Variants in LASP1 observed in about 807,000 individuals in gnomAD.
LASP1 encodes the protein LIM and SH3 protein 1, also known as LIM and SH3 domain protein 1.
Under a neutral mutation model 38.6 loss-of-function variants are expected in LASP1, and 10 were observed. The observed-to-expected ratio is 0.26, with a 90% confidence interval of 0.16 to 0.44. LASP1 has a LOEUF of 0.44. Ranked by LOEUF, LASP1 falls within the 20% of genes least tolerant of loss-of-function variation. The pLI is 1.00. For missense variants in LASP1, 243 were observed against 375.7 expected (o/e 0.65, Z 2.92); for synonymous variants, 132 against 140.8 (o/e 0.94, Z 0.44).
chr17:38,890,855 C>A (rs1411317513), intron 3 of LASP1, among the ~76,000 whole-genome samples: 105 of 152,194 alleles, frequency 6.9e-4, no homozygotes, highest in Non-Finnish European at 1.6e-4. Context: ...GGAATTTGCC[C>A]CTCCAGGTCA....
At chr17:38,886,856 G>A (rs1914155680) in intron 2 of LASP1, among the ~76,000 whole-genome samples, 1 of 152,154 alleles carries the variant, frequency 6.6e-6, no homozygotes, top group Non-Finnish European at 1.5e-5. Context: ...GGCACGTCAG[G>A]TGCACCTGTC....
rs1458277189 is a variant in LASP1, at chr17:38,870,269, G to A, written c.69+11G>A. On this transcript the variant is annotated intron_variant, in intron 1 of 6. Coordinates refer to ENST00000318008, the MANE Select transcript of LASP1 (RefSeq NM_006148.4). ...AACTGTCTGGATAAGGTGAGCCCGG[G>A]ACCGGGAGACGCGTCTTTGCAATCC... 2 of 1,613,384 alleles carry A rather than the reference G, an allele frequency of 1.2e-6. No individual in the cohort carries two copies. The highest frequency in any genetic ancestry group is 1.7e-6 in the Non-Finnish European group (2 of 1,179,586).
chr17:38,891,416 C>T (rs1160140738), intron 3 of LASP1, among the ~76,000 whole-genome samples: 1 of 152,084 alleles, frequency 6.6e-6, no homozygotes, highest in South Asian at 2.1e-4. Context: ...TCAGGGAGAA[C>T]CGACCCTGCC....
chr17:38,887,399 A>G (rs913883916), intron 2 of LASP1, among the ~76,000 whole-genome samples: 2 of 152,164 alleles, frequency 1.3e-5, no homozygotes, highest in Non-Finnish European at 1.5e-5. Flanking sequence ...GGTCTCTAGG[A>G]ACAGACTCGT....
At chr17:38,874,154 C>T (rs34720741) in intron 1 of LASP1, 5,352 of 152,808 alleles carry the variant, frequency 0.035, 120 homozygotes, top group Non-Finnish European at 0.055. Flanking sequence ...AAGCCATGGA[C>T]TTTGCAGGCA....
At position 38,914,947 on chromosome 17, in the gene LASP1, C is replaced by T. The variant is rs748155433; in HGVS notation, c.509-96C>T. 36 of 1,085,904 alleles carry T rather than the reference C, an allele frequency of 3.3e-5. No individual in the cohort carries two copies. In the East Asian group the frequency reaches 5.7e-4, roughly 17 times the overall value. The allele number at this position is 1,085,904 out of a possible 1,614,324, so 67.3% of individuals were successfully genotyped here. On this transcript the variant is annotated intron_variant, in intron 5 of 6. Coordinates refer to ENST00000318008, the MANE Select transcript of LASP1 (RefSeq NM_006148.4). ...TGTGGGGCTTGAGCCAGGTTGGGGG[C>T]GGGGTGGAAGTGCATGGTATGGACT...
intron 4 of LASP1, among the ~76,000 whole-genome samples, chr17:38,907,607 T>G (rs1221810878): frequency 6.6e-6 from 1 of 152,148 alleles, no homozygotes; most frequent in Non-Finnish European, 1.5e-5. Flanking sequence ...TGTCAGGGTA[T>G]GAAGAGCTTG....
chr17:38,871,525 AAG>A (rs1411822598), intron 1 of LASP1, among the ~76,000 whole-genome samples: 1 of 151,940 alleles, frequency 6.6e-6, no homozygotes, highest in East Asian at 1.9e-4. Context: ...CACTAGATGA[AAG>A]AGGGGTATAG....
intron 2 of LASP1, among the ~76,000 whole-genome samples, chr17:38,889,463 C>T (rs1359649485): frequency 6.6e-6 from 1 of 152,118 alleles, no homozygotes; most frequent in Non-Finnish European, 1.5e-5. Flanking sequence ...TTGAGCAGCC[C>T]TAATCCAAAA....
chr17:38,914,227 C>T (rs2143826452), intron 4 of LASP1, 98 bp from the exon 5 acceptor site: 2 of 1,413,980 alleles, frequency 1.4e-6, no homozygotes, highest in Non-Finnish European at 1.9e-6. Flanking sequence ...ACCCAAAGCT[C>T]TTGGGTAGTC....
At chr17:38,909,728 C>CTCATTCATTCATTCAT (rs111395734) in intron 4 of LASP1, among the ~76,000 whole-genome samples, 5 of 149,896 alleles carry the variant, frequency 3.3e-5, no homozygotes, top group East Asian at 2.0e-4. Flanking sequence ...TCTTTTTCAT[C>CTCATTCATTCATTCAT]TCATTCATTC....
Position 38,914,455 on chromosome 17 carries a change from A to C in LASP1, c.488A>C (p.His163Pro), listed in dbSNP as rs774280750. 11 of 1,608,570 alleles carry C rather than the reference A, an allele frequency of 6.8e-6. No homozygotes were observed. The highest frequency in any genetic ancestry group is 9.3e-6 in the Non-Finnish European group (11 of 1,178,370). Residue 163 changes from histidine (H) to proline (P), a missense_variant, in exon 5 of 7, where the codon CAC (histidine) becomes CCC (proline). His to Pro is a moderately conservative substitution (Grantham distance 77). Around this residue, in one of 4 missense-constraint regions of LASP1, gnomAD observed 165 missense variants for 210.3 expected, o/e 0.78. Coordinates refer to ENST00000318008, the MANE Select transcript of LASP1 (RefSeq NM_006148.4). ...CCCCTGGAGCAGCAGCAGCCTCACCACATCCCGACCAGTGCCCCGGGTGAG... is the reference window on the plus strand; with the variant it reads ...CCCCTGGAGCAGCAGCAGCCTCACCCCATCCCGACCAGTGCCCCGGGTGAG... ...RRPLEQQQPH[H>P]IPTSAPVYQQ...
intron 4 of LASP1, among the ~76,000 whole-genome samples, chr17:38,909,484 A>T (rs226224): frequency 6.6e-6 from 1 of 151,798 alleles, no homozygotes; most frequent in East Asian, 1.9e-4. Context: ...GCAGTTGCCT[A>T]TAATCCCAGC....
intron 4 of LASP1, among the ~76,000 whole-genome samples, chr17:38,906,221 C>G (rs991287697): frequency 6.6e-6 from 1 of 152,066 alleles, no homozygotes; most frequent in Non-Finnish European, 1.5e-5. Context: ...GCAGTATTCT[C>G]GGGCTGGCTG....
At chr17:38,885,639 G>T (rs999338647) in intron 2 of LASP1, among the ~76,000 whole-genome samples, 6 of 73,756 alleles carry the variant, frequency 8.1e-5, no homozygotes, top group African/African-American at 6.3e-4. Context: ...GCACCCAGCT[G>T]ATCACCTGTC....
At chr17:38,871,782 G>C (rs1458771044) in intron 1 of LASP1, among the ~76,000 whole-genome samples, 1 of 152,072 alleles carries the variant, frequency 6.6e-6, no homozygotes, top group African/African-American at 2.4e-5. Context: ...GGCTTGACTG[G>C]GCAGGAGGAG....
Position 38,918,502 on chromosome 17 carries a change from C to A in LASP1, c.613-103C>A. The A allele has an allele frequency of 8.7e-7, 1 of 1,150,494 alleles. No homozygotes were observed. Among genetic ancestry groups the A allele is most frequent in the Non-Finnish European group, 1.2e-6 (1 of 811,938 alleles). The allele number at this position is 1,150,494 out of a possible 1,614,324, so 71.3% of individuals were successfully genotyped here. ...TGGTGCTCCATTTCTGAGTTCACTGCTCCCCCAGGCTCTGCTCCAGGGTCG... is the reference window on the plus strand; with the variant it reads ...TGGTGCTCCATTTCTGAGTTCACTGATCCCCCAGGCTCTGCTCCAGGGTCG... On this transcript the variant is annotated intron_variant, in intron 6 of 6. Transcript: ENST00000318008. The surrounding 1 kb of genome is among the most constrained non-coding windows in gnomAD (Gnocchi z 4.4).
chr17:38,900,981 A>AGGGGG (rs1914626174), intron 4 of LASP1, among the ~76,000 whole-genome samples: 1 of 151,920 alleles, frequency 6.6e-6, no homozygotes, highest in Non-Finnish European at 1.5e-5. Context: ...GGGGAGGGGG[A>AGGGGG]AGATGGTCTT....
rs371774517 is a variant in LASP1, at chr17:38,918,639, C to T, written c.647C>T (p.Ala216Val). The T allele has an allele frequency of 1.2e-6, 2 of 1,611,104 alleles. No individual in the cohort carries two copies. The highest frequency in any genetic ancestry group is 1.7e-6 in the Non-Finnish European group (2 of 1,177,802). ...CGCGCGGTGTATGACTACAGCGCCG[C>T]CGACGAGGACGAGGTCTCCTTCCAG... The part of the protein sequence containing the change: ...RYRAVYDYSA[A>V]DEDEVSFQDG... The change falls in exon 7 of 7, where the codon GCC (alanine) becomes GTC (valine). Residue 216 changes from alanine (A) to valine (V), a missense_variant. Transcript: ENST00000318008. This position sits in a 1 kb window ranked among gnomAD's most constrained non-coding sequence, Gnocchi z 4.4.
Sources: gnomAD v4.1 joint callset for allele counts (sites outside exome capture counted in the v4.1 genomes callset) on GRCh38, gnomAD v4.1.1 for gene constraint, gnomAD v4.1.1 regional missense constraint, Gnocchi (gnomAD v3.1) non-coding constraint, MANE v1.5 for transcripts, NCBI Gene and HGNC (gene_info 2026-07-23, HGNC 2026-07-21) for gene names.